Variants in KLK6 observed in about 807,000 individuals in gnomAD.
KLK6 encodes kallikrein related peptidase 6.
KLK6 carries 16 observed loss-of-function variants against 21.7 expected under a neutral mutation model. The ratio of observed to expected loss-of-function variants is 0.74; its 90% confidence interval spans 0.50 to 1.12. The LOEUF is 1.12. KLK6 is among the 50% of genes most tolerant of loss of function. KLK6 has a pLI of 0.00. For synonymous variants in KLK6, 116 were observed against 120.1 expected (o/e 0.97, Z 0.22); for missense variants, 276 against 304.6 (o/e 0.91, Z 0.70).
rs540184244 is a variant in KLK6 at position 50,962,704 on chromosome 19, C to T, written c.445+598G>A. The T allele has an allele frequency of 2.9e-4, 44 of 153,928 alleles. No individual in the cohort carries two copies. The South Asian group carries it at 6.5e-3, about 23-fold the overall frequency. 9.5% of individuals were successfully genotyped at this position (153,928 alleles called of 1,614,324 possible). A position where few individuals can be genotyped will look rare whatever the true frequency, so the allele number is the denominator to read the frequency against. Reference sequence around the variant, plus strand: ...CATCCTCCCCCATTGTCTCTGCCTTCCCACTGGCCCTTCATCCAATGGTTC... The same window carrying T: ...CATCCTCCCCCATTGTCTCTGCCTTTCCACTGGCCCTTCATCCAATGGTTC... On this transcript the variant is annotated intron_variant, in intron 5 of 6. Transcript: ENST00000310157.
intron 4 of KLK6, among the ~76,000 whole-genome samples, chr19:50,965,708 T>C: frequency 6.6e-6 from 1 of 152,222 alleles, no homozygotes; most frequent in Non-Finnish European, 1.5e-5. Flanking sequence ...TTAGTCAATG[T>C]ACATCAAAGG....
Position 50,963,447 on chromosome 19 carries a change from G to T in KLK6, c.300C>A (p.Ala100=), listed in dbSNP as rs772152972. 1 of 1,614,174 alleles carries T rather than the reference G, an allele frequency of 6.2e-7. No individual in the cohort carries two copies. The highest frequency in any genetic ancestry group is 8.5e-7 in the Non-Finnish European group (1 of 1,180,030). Residue 100 remains alanine (A), a synonymous_variant, in exon 5 of 7, where the codon GCC becomes GCA. Coordinates refer to ENST00000310157, the MANE Select transcript of KLK6 (RefSeq NM_002774.4). ...GCATGATGTCCTGGTCATGGCTGGCGGCATCATAGTCAGGGTGGATCACAG... is the reference window on the plus strand; with the variant it reads ...GCATGATGTCCTGGTCATGGCTGGCTGCATCATAGTCAGGGTGGATCACAG... ...VRAVIHPDYD[A]ASHDQDIMLL...
chr19:50,965,620 G>A (rs916167637), intron 4 of KLK6, among the ~76,000 whole-genome samples: 3 of 152,076 alleles, frequency 2.0e-5, no homozygotes, highest in Non-Finnish European at 4.4e-5. Context: ...GTGCTCCCGA[G>A]GGCAGGGATG....
At chr19:50,960,997 C>T (rs2090832932) in intron 6 of KLK6, among the ~76,000 whole-genome samples, 1 of 152,234 alleles carries the variant, frequency 6.6e-6, no homozygotes, top group South Asian at 2.1e-4. Flanking sequence ...ATCTCTTGAC[C>T]TGGTTATTCA....
chr19:50,968,017 G>A, intron 3 of KLK6, 48 bp downstream of exon 3: 3 of 1,554,194 alleles, frequency 1.9e-6, no homozygotes, highest in Non-Finnish European at 2.7e-6. Flanking sequence ...CCATCAACAA[G>A]CCCAACCCTG....
chr19:50,965,507 A>C (rs964261937), intron 4 of KLK6, among the ~76,000 whole-genome samples: 4 of 147,300 alleles, frequency 2.7e-5, no homozygotes, highest in Non-Finnish European at 6.0e-5. Context: ...GCTGGTCTCG[A>C]ACTCAGGTAA....
chr19:50,968,187 A>G (rs980893939), intron 2 of KLK6, 75 bp from the exon 3 acceptor site: 30 of 1,322,564 alleles, frequency 2.3e-5, no homozygotes, highest in Non-Finnish European at 2.7e-5. Context: ...CTCCCTCTGC[A>G]TCCTCTCCTT....
chr19:50,967,562 G>T (rs965902653), intron 3 of KLK6, among the ~76,000 whole-genome samples: 1 of 97,648 alleles, frequency 1.0e-5, no homozygotes, highest in Admixed American at 9.0e-5. Context: ...AATTAGCAGG[G>T]TATGGTGGCA....
At chr19:50,968,927 G>A in intron 1 of KLK6, 1 of 155,218 alleles carries the variant, frequency 6.4e-6, no homozygotes, top group Non-Finnish European at 1.4e-5. Flanking sequence ...TCCAGGGAAG[G>A]GAGCACTGGT....
chr19:50,964,216 A>G (rs527705694), intron 4 of KLK6, among the ~76,000 whole-genome samples: 1 of 152,262 alleles, frequency 6.6e-6, no homozygotes, highest in Admixed American at 6.5e-5. Context: ...TCCTCCAAGT[A>G]TCTGCATAGC....
At chr19:50,961,479 T>C (rs1221932498) in intron 6 of KLK6, among the ~76,000 whole-genome samples, 1 of 152,228 alleles carries the variant, frequency 6.6e-6, no homozygotes, top group East Asian at 1.9e-4. Flanking sequence ...GCCTCTCTGG[T>C]TCTTGATCCC....
At chr19:50,962,058 A>C in intron 5 of KLK6, 178 bp from the exon 6 acceptor site, 2 of 578,808 alleles carry the variant, frequency 3.5e-6, no homozygotes, top group African/African-American at 1.9e-5. Flanking sequence ...CTGCCTCCTA[A>C]TTGGTCCCTC....
Position 50,967,254 on chromosome 19 carries a change from C to A in KLK6, c.112G>T (p.Ala38Ser). The A allele has an allele frequency of 6.2e-7, 1 of 1,614,094 alleles. No individual in the cohort carries two copies. The highest frequency in any genetic ancestry group is 8.5e-7 in the Non-Finnish European group (1 of 1,180,012). The change falls in exon 4 of 7, where the codon GCC becomes TCC. Residue 38 changes from alanine (A) to serine (S), a missense_variant. Coordinates refer to ENST00000310157, the MANE Select transcript of KLK6 (RefSeq NM_002774.4). ...CDKTSHPYQA[A>S]LYTSGHLLCG... ...AGCAAGTGGCCCGAGGTGTAGAGGG[C>A]AGCTTGGTAGGGGTGAGATGTCTTG...
chr19:50,959,960 AGAG>A (rs1285702199), intron 6 of KLK6, among the ~76,000 whole-genome samples: 3 of 70,892 alleles, frequency 4.2e-5, no homozygotes, highest in African/African-American at 6.7e-5. Context: ...GGGAGGAGGA[AGAG>A]GAGGAGGAGG....
intron 3 of KLK6, 102 bp downstream of exon 3, chr19:50,967,963 C>T: frequency 2.8e-6 from 3 of 1,064,830 alleles, no homozygotes; most frequent in Non-Finnish European, 4.4e-6. Flanking sequence ...AGCTCCCCCA[C>T]CCCAACCCTG....
At chr19:50,969,392 C>T (rs2090978618) in intron 1 of KLK6, 98 bp downstream of exon 1, 2 of 152,228 alleles carry the variant, frequency 1.3e-5, no homozygotes, top group Admixed American at 6.5e-5. Context: ...CTCTCTGTGC[C>T]ACCCAGGGAC....
intron 1 of KLK6, 106 bp from the exon 2 acceptor site, chr19:50,968,697 G>A: frequency 6.3e-6 from 1 of 159,728 alleles, no homozygotes; most frequent in Non-Finnish European, 1.4e-5. Flanking sequence ...GGGCCGCAGA[G>A]CCCAGGGCTG....
rs148475924 is a variant in KLK6, at chr19:50,968,397, T to C, written c.-9+144A>G. 1.6e-3 allele frequency: 816 copies of C among 507,310 alleles called. 6 individuals are homozygous for C. Among genetic ancestry groups the C allele is most frequent in the African/African-American group, 0.015 (777 of 51,932 alleles). 31.4% of individuals were successfully genotyped at this position (507,310 alleles called of 1,614,324 possible). A position where few individuals can be genotyped will look rare whatever the true frequency, so the allele number is the denominator to read the frequency against. On this transcript the variant is annotated intron_variant, in intron 2 of 6. Coordinates refer to ENST00000310157, the MANE Select transcript of KLK6 (RefSeq NM_002774.4). ...CTTTCTACTTTCTTGGGCACTGATT[T>C]GCCTTCCTGTCGACAGGAGAGGGTT... is the stretch of plus-strand genomic sequence containing the variant.
intron 1 of KLK6, among the ~76,000 whole-genome samples, chr19:50,969,220 G>A (rs767866566): frequency 2.2e-4 from 33 of 151,138 alleles, no homozygotes; most frequent in Non-Finnish European, 4.4e-4. Context: ...CTAAACTCCT[G>A]GGTCTGAGGG....
Sources: allele counts gnomAD v4.1 joint callset (sites outside exome capture counted in the v4.1 genomes callset), GRCh38; gene constraint gnomAD v4.1.1; transcripts MANE v1.5; gene names NCBI Gene and HGNC (gene_info 2026-07-23, HGNC 2026-07-21).